GRB14: variants seen among roughly 807,000 people sequenced by gnomAD.
The protein encoded by GRB14 is growth factor receptor-bound protein 14.
Under a neutral mutation model 69.1 loss-of-function variants are expected in GRB14, and 38 were observed. The observed-to-expected ratio is 0.55, with a 90% CI of 0.42 to 0.72. The LOEUF is 0.72. Ranked by LOEUF, GRB14 falls within the 30% of genes least tolerant of loss-of-function variation. The probability of loss-of-function intolerance (pLI) is 0.00; values close to 1 mark genes in which losing one functional copy is unlikely to be tolerated. For synonymous variants in GRB14, 247 were observed against 241.3 expected (o/e 1.02, Z -0.22); for missense variants, 666 against 666.1 (o/e 1.00, Z 0.00).
At chr2:164,504,500 C>T (rs1293966203) in intron 8 of GRB14, among the ~76,000 whole-genome samples, 4 of 152,050 alleles carry the variant, frequency 2.6e-5, no homozygotes, top group Admixed American at 2.0e-4. Flanking sequence ...ATGCCACAAG[C>T]GTGTCTGTGT....
intron 3 of GRB14, among the ~76,000 whole-genome samples, chr2:164,528,371 A>C (rs1687835758): frequency 6.6e-6 from 1 of 152,124 alleles, no homozygotes. Flanking sequence ...AATGGAGAAC[A>C]ACCAAATAAG....
intron 2 of GRB14, among the ~76,000 whole-genome samples, chr2:164,594,657 A>G (rs1476863715): frequency 1.3e-5 from 2 of 152,218 alleles, no homozygotes; most frequent in African/African-American, 2.4e-5. Flanking sequence ...CAGGGTGTTA[A>G]TGGAAGTCGC....
chr2:164,564,378 T>C (rs943436838), intron 2 of GRB14, among the ~76,000 whole-genome samples: 1 of 152,206 alleles, frequency 6.6e-6, no homozygotes, highest in African/African-American at 2.4e-5. Context: ...TAAAAGATTC[T>C]GGGAAAAATA....
At chr2:164,533,757 G>T (rs982379944) in intron 3 of GRB14, among the ~76,000 whole-genome samples, 5 of 152,156 alleles carry the variant, frequency 3.3e-5, no homozygotes, top group Non-Finnish European at 7.4e-5. Flanking sequence ...AACTAAGCAG[G>T]TTCGGTGGCT....
chr2:164,503,231 T>C (rs1356683404), intron 8 of GRB14, among the ~76,000 whole-genome samples: 1 of 150,664 alleles, frequency 6.6e-6, no homozygotes, highest in Admixed American at 6.6e-5. Context: ...TTTTTTCCCC[T>C]AGATTCTGCA....
chr2:164,500,471 G>A (rs1169637672), intron 9 of GRB14, among the ~76,000 whole-genome samples: 1 of 151,962 alleles, frequency 6.6e-6, no homozygotes, highest in Non-Finnish European at 1.5e-5. Context: ...GCTGAAAATA[G>A]TCCCCGGATG....
chr2:164,568,192 T>C (rs924371223), intron 2 of GRB14: 12 of 399,780 alleles, frequency 3.0e-5, no homozygotes, highest in African/African-American at 2.1e-4. Context: ...ACAACTTTAA[T>C]GAATTATAGG....
Position 164,620,832 on chromosome 2 carries a change from G to A in GRB14, c.191+287C>T, listed in dbSNP as rs376727608. ...TTTGTGAAAATGCATGGCCACGAAG[G>A]AACAGAAGGTGATCAGCCTGCAGCC... On this transcript the variant is annotated intron_variant, in intron 1 of 13. Transcript: ENST00000263915. Among the ~76,000 whole-genome samples, 15 of 152,258 alleles carry A rather than the reference G, an allele frequency of 9.9e-5. No homozygotes were observed. The South Asian group carries it at 2.1e-3, about 21-fold the overall frequency.
chr2:164,603,518 G>A (rs1026029298), intron 2 of GRB14, among the ~76,000 whole-genome samples: 1 of 151,930 alleles, frequency 6.6e-6, no homozygotes, highest in African/African-American at 2.4e-5. Context: ...ACAAAAATTA[G>A]CTGGGTGTGG....
intron 2 of GRB14, among the ~76,000 whole-genome samples, chr2:164,572,448 CT>C (rs1330608678): frequency 6.6e-6 from 1 of 152,148 alleles, no homozygotes; most frequent in Non-Finnish European, 1.5e-5. Context: ...AGGATCTCTC[CT>C]TTTTATATAC....
At chr2:164,499,461 C>T (rs1686993997) in intron 9 of GRB14, among the ~76,000 whole-genome samples, 1 of 152,092 alleles carries the variant, frequency 6.6e-6, no homozygotes, top group Admixed American at 6.6e-5. Flanking sequence ...GGAAGTAAAG[C>T]AGAGTCTGAC....
At chr2:164,583,687 A>G (rs888963809) in intron 2 of GRB14, among the ~76,000 whole-genome samples, 1 of 152,246 alleles carries the variant, frequency 6.6e-6, no homozygotes, top group Non-Finnish European at 1.5e-5. Context: ...AAAAGGCAAG[A>G]AAGCAAAAAT....
rs1367584983 is a variant in GRB14, at chr2:164,527,302, A to G, written c.482-167T>C. ...GCAGATTTCAACTTAATTATGAGAT[A>G]GCCAGATTGATAAAATTTGTCATCA... On this transcript the variant is annotated intron_variant, in intron 3 of 13. Transcript: ENST00000263915. Among the ~76,000 whole-genome samples, 21 of 150,248 alleles carry G rather than the reference A, an allele frequency of 1.4e-4. No homozygotes were observed. The Admixed American group carries it at 1.4e-3, about 10-fold the overall frequency.
At chr2:164,493,234 A>T in intron 13 of GRB14, 52 bp from the exon 14 acceptor site, 1 of 1,545,298 alleles carries the variant, frequency 6.5e-7, no homozygotes, top group Non-Finnish European at 8.8e-7. Context: ...ACACAGAAGG[A>T]CAATCATATT....
rs1423268826 is a variant in GRB14 at position 164,496,017 on chromosome 2, C to CTGAT, written c.1382+987_1382+990dup. 7.9e-5 allele frequency among the ~76,000 whole-genome samples: 12 copies of CTGAT among 152,236 alleles called. No homozygotes were observed. In the East Asian group the frequency reaches 1.2e-3, roughly 15 times the overall value. ...TTGGTTTCATCAGATTGTAATTCTA[C>CTGAT]TGATTGTTCAAATTTATTTCCAAAA... On this transcript the variant is annotated intron_variant, in intron 12 of 13. Coordinates refer to ENST00000263915, the MANE Select transcript of GRB14 (RefSeq NM_004490.3).
intron 9 of GRB14, 131 bp from the exon 10 acceptor site, chr2:164,497,621 G>A: frequency 1.6e-6 from 1 of 637,006 alleles, no homozygotes; most frequent in South Asian, 2.0e-5. Context: ...CATTCTAGAA[G>A]GTGGTGCCTG....
At chr2:164,571,884 T>G (rs191797242) in intron 2 of GRB14, among the ~76,000 whole-genome samples, 9 of 152,368 alleles carry the variant, frequency 5.9e-5, no homozygotes, top group African/African-American at 1.7e-4. Flanking sequence ...TTTCCACATT[T>G]TATTATTAAA....
intron 2 of GRB14, among the ~76,000 whole-genome samples, chr2:164,603,437 G>A (rs1371619462): frequency 2.0e-5 from 3 of 152,156 alleles, no homozygotes; most frequent in African/African-American, 7.2e-5. Context: ...GCTGAGGCAG[G>A]AGGATCACCT....
chr2:164,619,703 T>C lies in GRB14; in HGVS notation c.308A>G (p.Asn103Ser). Residue 103 changes from asparagine (N) to serine (S), a missense_variant, in exon 2 of 14, where the codon AAT becomes AGT. By Grantham distance (46) the Asn-to-Ser change is conservative. Transcript: ENST00000263915. ...AATGCATACCTGTTTTTTCCTTGAA[T>C]TTGCTTTGGGAAATAGGTCTGCTGA... Reference protein sequence around the residue: ...VLSADLFPKANSRKKQVIKVY... With the variant: ...VLSADLFPKASSRKKQVIKVY... The C allele has an allele frequency of 1.3e-6, 2 of 1,578,272 alleles. No individual in the cohort carries two copies. Among genetic ancestry groups the C allele is most frequent in the Non-Finnish European group, 1.7e-6 (2 of 1,169,998 alleles).
Sources: gnomAD v4.1 joint callset for allele counts (sites outside exome capture counted in the v4.1 genomes callset) on GRCh38, gnomAD v4.1.1 for gene constraint, MANE v1.5 for transcripts, NCBI Gene and HGNC (gene_info 2026-07-23, HGNC 2026-07-21) for gene names.